PCDHA5: variants seen among roughly 807,000 people sequenced by gnomAD.
The protein encoded by PCDHA5 is protocadherin alpha 5.
PCDHA5 carries 43 observed loss-of-function variants against 61.6 expected under a neutral mutation model. That is an observed-to-expected ratio of 0.70 (90% CI 0.55 to 0.90). PCDHA5 has a LOEUF of 0.90. Among genes scored for constraint, PCDHA5 ranks in the 40% least tolerant of loss-of-function variants. The pLI is 0.00. For missense variants in PCDHA5, 1,298 were observed against 1,222.7 expected, an observed-to-expected ratio of 1.06 and a Z score of -0.92; for synonymous variants, 627 against 543.9, an observed-to-expected ratio of 1.15 and a Z score of -2.13.
intron 1 of PCDHA5, among the ~76,000 whole-genome samples, chr5:140,933,883 T>C (rs376864592): frequency 1.3e-5 from 2 of 152,084 alleles, no homozygotes; most frequent in East Asian, 1.9e-4. Context: ...GTTTTATCTG[T>C]ACTTTTGAAT....
intron 1 of PCDHA5, among the ~76,000 whole-genome samples, chr5:140,880,422 C>T (rs782802267): frequency 6.6e-6 from 1 of 152,252 alleles, no homozygotes; most frequent in Non-Finnish European, 1.5e-5. Flanking sequence ...AAAGCGGGAA[C>T]AGTTTTTCCT....
chr5:140,842,064 A>G lies in PCDHA5; in HGVS notation c.2352+17937A>G, dbSNP rs200994582. 183 of 1,613,874 alleles carry G rather than the reference A, an allele frequency of 1.1e-4. 1 individual carries two copies. The highest frequency in any genetic ancestry group is 6.6e-4 in the Middle Eastern group (4 of 6,062). On this transcript the variant is annotated intron_variant, in intron 1 of 3. Coordinates refer to ENST00000529859, the MANE Select transcript of PCDHA5 (RefSeq NM_018908.3). The stretch of plus-strand genomic sequence containing the variant: ...CCCACTTTCGAACAGTCTGAATACG[A>G]AGTAAGAATATTCGAAAACGCAGAC...
At chr5:140,916,613 A>T (rs2077649645) in intron 1 of PCDHA5, among the ~76,000 whole-genome samples, 1 of 151,990 alleles carries the variant, frequency 6.6e-6, no homozygotes, top group Non-Finnish European at 1.5e-5. Flanking sequence ...GGGCCTCATG[A>T]CTCTACTCAA....
In PCDHA5 at chr5:141,010,365, A is replaced by G; in HGVS notation, c.*428A>G. 6.8e-7 allele frequency: 1 copy of G among 1,480,028 alleles called. No individual in the cohort carries two copies. The highest frequency in any genetic ancestry group is 1.3e-5 in the South Asian group (1 of 75,134). The allele number at this position is 1,480,028 out of a possible 1,614,324, so 91.7% of individuals were successfully genotyped here. On this transcript the variant is annotated 3_prime_UTR_variant, in exon 4 of 4. Coordinates refer to ENST00000529859, the MANE Select transcript of PCDHA5 (RefSeq NM_018908.3). Reference sequence around the variant, plus strand: ...CTGGGTATGTGTGGCTACCGCGGGTATGCGAGTGCCAGATATTGGCTGAGA... The same window carrying G: ...CTGGGTATGTGTGGCTACCGCGGGTGTGCGAGTGCCAGATATTGGCTGAGA...
At chr5:140,921,353 A>G (rs943655623) in intron 1 of PCDHA5, among the ~76,000 whole-genome samples, 5 of 152,160 alleles carry the variant, frequency 3.3e-5, no homozygotes, top group Non-Finnish European at 5.9e-5. Flanking sequence ...ATATTTGCCT[A>G]TATTCAAGTT....
chr5:140,883,282 G>A (rs781911340), intron 1 of PCDHA5: 6 of 1,613,900 alleles, frequency 3.7e-6, no homozygotes, highest in Non-Finnish European at 5.1e-6. Context: ...CCCTTTTGGT[G>A]GAAGTACTAG....
intron 1 of PCDHA5, among the ~76,000 whole-genome samples, chr5:140,900,463 C>T (rs1319110335): frequency 6.6e-6 from 1 of 152,130 alleles, no homozygotes; most frequent in African/African-American, 2.4e-5. Flanking sequence ...TTTTAGTAGA[C>T]ACGGAGTTTC....
chr5:140,977,359 A>G (rs1335405602), intron 1 of PCDHA5, among the ~76,000 whole-genome samples: 6 of 152,212 alleles, frequency 3.9e-5, no homozygotes, highest in Non-Finnish European at 8.8e-5. Context: ...TGATTGATAA[A>G]AAGTATTTTA....
chr5:140,870,732 T>G (rs782731773), intron 1 of PCDHA5: 27 of 1,613,288 alleles, frequency 1.7e-5, no homozygotes, highest in African/African-American at 2.7e-5. Flanking sequence ...GCGTGCCGCC[T>G]CTGAGCAGCA....
At position 140,969,258 on chromosome 5, in the gene PCDHA5, A is replaced by T. The variant is rs782513796; in HGVS notation, c.2353-9691A>T. ...CAAGCAGCAGTGACTGACAGCAGGA[A>T]TCTCACAGGCCAAAGTGGTCAGAAT... On this transcript the variant is annotated intron_variant, in intron 1 of 3. Transcript: ENST00000529859. The T allele has an allele frequency of 3.7e-6, 6 of 1,614,106 alleles. No homozygotes were observed. The East Asian group carries it at 1.3e-4, about 36-fold the overall frequency.
intron 1 of PCDHA5, chr5:140,850,313 G>C (rs113332257): frequency 1.3e-6 from 2 of 1,597,364 alleles, no homozygotes; most frequent in African/African-American, 1.3e-5. Context: ...ACAACGCGTG[G>C]CTTTCATACG....
chr5:140,925,668 A>G (rs1215540778), intron 1 of PCDHA5, among the ~76,000 whole-genome samples: 1 of 149,482 alleles, frequency 6.7e-6, no homozygotes, highest in Admixed American at 6.7e-5. Context: ...TAATAATAAT[A>G]ATAATAATAA....
At chr5:140,851,481 C>G in intron 1 of PCDHA5, 1 of 891,038 alleles carries the variant, frequency 1.1e-6, no homozygotes, top group Non-Finnish European at 1.4e-6. Flanking sequence ...ATGTTATAAA[C>G]ACAGCCTTCA....
chr5:140,835,824 G>T, intron 1 of PCDHA5: 1 of 1,612,592 alleles, frequency 6.2e-7, no homozygotes, highest in Non-Finnish European at 8.5e-7. Context: ...GTCGGCGGGG[G>T]ACGCGGACGC....
intron 1 of PCDHA5, among the ~76,000 whole-genome samples, chr5:140,960,936 T>G (rs1198055000): frequency 6.6e-6 from 1 of 152,210 alleles, no homozygotes. Flanking sequence ...CTAAGTTTAG[T>G]GAATTAGAAA....
chr5:140,902,140 G>A (rs1156661388), intron 1 of PCDHA5, among the ~76,000 whole-genome samples: 2 of 151,048 alleles, frequency 1.3e-5, no homozygotes, highest in African/African-American at 4.9e-5. Context: ...CTGCAAACAA[G>A]GATAATTTGA....
chr5:140,962,708 A>G (rs982426662), intron 1 of PCDHA5, among the ~76,000 whole-genome samples: 1 of 152,240 alleles, frequency 6.6e-6, no homozygotes, highest in African/African-American at 2.4e-5. Context: ...CTATAATCAT[A>G]TTGGAAAGTA....
chr5:140,884,486 G>T, intron 1 of PCDHA5: 1 of 1,614,030 alleles, frequency 6.2e-7, no homozygotes, highest in Non-Finnish European at 8.5e-7. Flanking sequence ...GCCCACTCTA[G>T]TGTGCTCCAG....
intron 1 of PCDHA5, among the ~76,000 whole-genome samples, chr5:140,873,367 A>G (rs782242904): frequency 2.0e-5 from 3 of 152,174 alleles, no homozygotes; most frequent in Non-Finnish European, 2.9e-5. Context: ...GAATAACTGA[A>G]GATCTTTTAA....
Sources: gnomAD v4.1 joint callset for allele counts (sites outside exome capture counted in the v4.1 genomes callset) on GRCh38, gnomAD v4.1.1 for gene constraint, MANE v1.5 for transcripts, NCBI Gene and HGNC (gene_info 2026-07-23, HGNC 2026-07-21) for gene names.